Variants in MCF2L2 observed in about 807,000 individuals in gnomAD.
MCF2L2 encodes probable guanine nucleotide exchange factor MCF2L2.
MCF2L2 carries 102 observed loss-of-function variants against 150.2 expected under a neutral mutation model. The observed-to-expected ratio is 0.68, with a 90% CI of 0.58 to 0.80. The LOEUF is 0.80. Among genes scored for constraint, MCF2L2 ranks in the 30% least tolerant of loss-of-function variants. The pLI is 0.00. For synonymous variants in MCF2L2, 465 were observed against 491.3 expected (o/e 0.95, Z 0.71); for missense variants, 1,256 against 1,372.8 (o/e 0.91, Z 1.34).
chr3:183,246,093 T>C (rs554897045), intron 15 of MCF2L2, among the ~76,000 whole-genome samples: 102 of 152,354 alleles, frequency 6.7e-4, no homozygotes, highest in African/African-American at 2.2e-3. Flanking sequence ...CTTTAAGAGA[T>C]TGATCATAAA....
chr3:183,269,273 CTG>C (rs1480032436), intron 15 of MCF2L2, among the ~76,000 whole-genome samples: 4 of 121,840 alleles, frequency 3.3e-5, no homozygotes, highest in Admixed American at 8.8e-5. Context: ...AAAAAGGTCT[CTG>C]TACTCTGAAT....
At chr3:183,206,714 A>C (rs1354564513) in intron 23 of MCF2L2, among the ~76,000 whole-genome samples, 1 of 152,218 alleles carries the variant, frequency 6.6e-6, no homozygotes, top group African/African-American at 2.4e-5. Context: ...TCTACTAAAA[A>C]TACAAAATTA....
At chr3:183,279,267 G>A (rs1727344613) in intron 14 of MCF2L2, among the ~76,000 whole-genome samples, 1 of 150,312 alleles carries the variant, frequency 6.7e-6, no homozygotes, top group Non-Finnish European at 1.5e-5. Context: ...TTTTTGAGAC[G>A]AAAGGTGAAT....
At chr3:183,337,317 G>A (rs1730523240) in intron 5 of MCF2L2, among the ~76,000 whole-genome samples, 1 of 152,110 alleles carries the variant, frequency 6.6e-6, no homozygotes, top group Non-Finnish European at 1.5e-5. Context: ...AGCACTTTGG[G>A]AGGCTGAAGC....
rs56742154 is a variant in MCF2L2, at chr3:183,303,194, C to CAAAAAAAAAAAAAAAAAA, written c.1114-2999_1114-2998insTTTTTTTTTTTTTTTTTT. Among the ~76,000 whole-genome samples, 34 of 123,898 alleles carry CAAAAAAAAAAAAAAAAAA rather than the reference C, an allele frequency of 2.7e-4. 1 individual carries two copies. The highest frequency in any genetic ancestry group is 9.5e-4 in the African/African-American group (30 of 31,482). 81.3% of individuals were successfully genotyped at this position (123,898 alleles called of 152,430 possible). A position where few individuals can be genotyped will look rare whatever the true frequency, so the allele number is the denominator to read the frequency against. On this transcript the variant is annotated intron_variant, in intron 10 of 29. Transcript: ENST00000328913. Reference sequence around the variant, plus strand: ...GGGCAACAGAATGAGACTCTGTCTCCAAAAAAAAAAAAGAATTCCTCCCTC... The same window carrying CAAAAAAAAAAAAAAAAAA: ...GGGCAACAGAATGAGACTCTGTCTCCAAAAAAAAAAAAAAAAAAAAAAAAAAAAAAGAATTCCTCCCTC...
chr3:183,195,331 AATACAC>A (rs1722045549), intron 25 of MCF2L2, 76 bp from the exon 26 acceptor site: 1 of 957,364 alleles, frequency 1.0e-6, no homozygotes, highest in Non-Finnish European at 1.7e-6. Context: ...GTGATTTTTA[AATACAC>A]ATATATGCAT....
Position 183,249,606 on chromosome 3 carries a change from T to A in MCF2L2, c.1863-18589A>T, listed in dbSNP as rs1006406583. Among the ~76,000 whole-genome samples, 3 of 152,200 alleles carry A rather than the reference T, an allele frequency of 2.0e-5. No homozygotes were observed. In the South Asian group the frequency reaches 6.2e-4, roughly 32 times the overall value. On this transcript the variant is annotated intron_variant, in intron 15 of 29. Transcript: ENST00000328913. ...CCTTGTGCTGTCAGTTCCCTTCACC[T>A]TCCAGTTCTGGGTGTACCTAGTGTG...
intron 15 of MCF2L2, among the ~76,000 whole-genome samples, chr3:183,249,810 A>G (rs1250898322): frequency 6.6e-6 from 1 of 152,206 alleles, no homozygotes; most frequent in Non-Finnish European, 1.5e-5. Context: ...GGATTCTTGG[A>G]ACAAAAGTTT....
chr3:183,317,852 C>T (rs576669289), intron 7 of MCF2L2, among the ~76,000 whole-genome samples: 1 of 152,180 alleles, frequency 6.6e-6, no homozygotes, highest in Non-Finnish European at 1.5e-5. Flanking sequence ...TCACTCACCA[C>T]CCAGTCTCAA....
At chr3:183,241,161 CTG>C (rs1724008060) in intron 15 of MCF2L2, among the ~76,000 whole-genome samples, 2 of 152,130 alleles carry the variant, frequency 1.3e-5, no homozygotes, top group South Asian at 2.1e-4. Context: ...ACTGCCAACT[CTG>C]TGTTGAGTGA....
Position 183,309,028 on chromosome 3 carries a change from A to C in MCF2L2, c.1113+688T>G, listed in dbSNP as rs142616466. Reference sequence around the variant, plus strand: ...CGACTCAGCTTTCTTCATTTGTAATAAACCAAATCTGTAAACACTTAAAAT... The same window carrying C: ...CGACTCAGCTTTCTTCATTTGTAATCAACCAAATCTGTAAACACTTAAAAT... On this transcript the variant is annotated intron_variant, in intron 10 of 29. Transcript: ENST00000328913. Among the ~76,000 whole-genome samples the C allele has an allele frequency of 6.9e-3, 1,054 of 152,370 alleles. 11 individuals are homozygous for C. Among genetic ancestry groups the C allele is most frequent in the African/African-American group, 0.024 (984 of 41,588 alleles).
chr3:183,318,236 G>C lies in MCF2L2; in HGVS notation c.604-19C>G, dbSNP rs771978656. 1 of 1,613,908 alleles carries C rather than the reference G, an allele frequency of 6.2e-7. No individual in the cohort carries two copies. The highest frequency in any genetic ancestry group is 2.2e-5 in the East Asian group (1 of 44,888). ...CGATGGCCTGGAAGGTCAGACAATT[G>C]TAACAATATGGAGAGATTAACATTC... On this transcript the variant is annotated intron_variant, in intron 6 of 29. Coordinates refer to ENST00000328913, the MANE Select transcript of MCF2L2 (RefSeq NM_015078.4).
intron 13 of MCF2L2, among the ~76,000 whole-genome samples, chr3:183,292,791 A>G (rs1258394033): frequency 6.6e-6 from 1 of 152,208 alleles, no homozygotes; most frequent in East Asian, 1.9e-4. Flanking sequence ...ATGGTATGAA[A>G]CTAATTCAAT....
intron 1 of MCF2L2, among the ~76,000 whole-genome samples, chr3:183,427,693 C>T (rs997915856): frequency 6.6e-6 from 1 of 151,982 alleles, no homozygotes; most frequent in African/African-American, 2.4e-5. Flanking sequence ...CCAGCCTCGG[C>T]CCCCCGACCC....
intron 15 of MCF2L2, 74 bp from the exon 16 acceptor site, chr3:183,231,091 T>A (rs1382444908): frequency 9.9e-6 from 11 of 1,110,132 alleles, no homozygotes; most frequent in Non-Finnish European, 1.5e-5. Context: ...TAGAATTCTG[T>A]TAGAATAATG....
In MCF2L2 at chr3:183,408,326, C is replaced by T. The variant is rs1715147428; in HGVS notation, c.77-18547G>A. Among the ~76,000 whole-genome samples the T allele has an allele frequency of 2.0e-5, 3 of 152,304 alleles. No homozygotes were observed. The South Asian group carries it at 6.2e-4, about 32-fold the overall frequency. On this transcript the variant is annotated intron_variant, in intron 1 of 29. Transcript: ENST00000328913. ...ACCTGGGAATGATGGCTAACTTTGC[C>T]TAAATACTGTCTTATGTTTGCTTAA... is the stretch of plus-strand genomic sequence containing the variant.
chr3:183,291,988 C>T (rs1728174450), intron 13 of MCF2L2, among the ~76,000 whole-genome samples: 2 of 152,100 alleles, frequency 1.3e-5, no homozygotes, highest in African/African-American at 4.8e-5. Flanking sequence ...GTCAAGAGAA[C>T]CAAGTTCTGT....
At chr3:183,243,626 C>T (rs368117294) in intron 15 of MCF2L2, among the ~76,000 whole-genome samples, 3 of 152,126 alleles carry the variant, frequency 2.0e-5, no homozygotes, top group Non-Finnish European at 2.9e-5. Context: ...CAACCAACTT[C>T]GTTATATTCC....
chr3:183,405,974 C>G (rs1715020243), intron 1 of MCF2L2, among the ~76,000 whole-genome samples: 1 of 152,168 alleles, frequency 6.6e-6, no homozygotes, highest in African/African-American at 2.4e-5. Flanking sequence ...CTCAGCCTCC[C>G]AAAAGTGCTG....
Sources: gnomAD v4.1 joint callset for allele counts (sites outside exome capture counted in the v4.1 genomes callset) on GRCh38, gnomAD v4.1.1 for gene constraint, MANE v1.5 for transcripts, NCBI Gene and HGNC (gene_info 2026-07-23, HGNC 2026-07-21) for gene names.